Variants in RAPGEF5 observed in about 807,000 individuals in gnomAD.
RAPGEF5 encodes M-Ras-regulated GEF.
Under a neutral mutation model 125.2 loss-of-function variants are expected in RAPGEF5, and 65 were observed. That is an observed-to-expected ratio of 0.52 (90% CI 0.43 to 0.64). The LOEUF is 0.64. Ranked by LOEUF, RAPGEF5 falls within the 30% of genes least tolerant of loss-of-function variation. RAPGEF5 has a pLI of 0.00. For missense variants in RAPGEF5, 958 were observed against 1,048.1 expected, an observed-to-expected ratio of 0.91 and a Z score of 1.19; for synonymous variants, 391 against 385.9, an observed-to-expected ratio of 1.01 and a Z score of -0.16.
intron 1 of RAPGEF5, among the ~76,000 whole-genome samples, chr7:22,338,660 G>A (rs1784069060): frequency 6.6e-6 from 1 of 152,194 alleles, no homozygotes; most frequent in South Asian, 2.1e-4. Flanking sequence ...CTGAGACCAT[G>A]TAACATGCTT....
intron 9 of RAPGEF5, among the ~76,000 whole-genome samples, chr7:22,205,097 A>G (rs1034691947): frequency 5.3e-5 from 8 of 152,208 alleles, no homozygotes; most frequent in Non-Finnish European, 1.2e-4. Flanking sequence ...CTGAATATTA[A>G]TGTGCACCTG....
intron 1 of RAPGEF5, among the ~76,000 whole-genome samples, chr7:22,343,430 A>G (rs1463438696): frequency 4.6e-5 from 7 of 152,212 alleles, no homozygotes; most frequent in African/African-American, 1.7e-4. Flanking sequence ...GTAACAACAG[A>G]AAATTTGAGA....
chr7:22,178,691 T>A (rs766616890), intron 11 of RAPGEF5, among the ~76,000 whole-genome samples: 6 of 152,222 alleles, frequency 3.9e-5, no homozygotes, highest in Non-Finnish European at 5.9e-5. Context: ...ACTATCTTCA[T>A]GGCACATGGA....
rs147243374 is a variant in RAPGEF5, at chr7:22,292,954, G to A, written c.681-1713C>T. 3.4e-3 allele frequency among the ~76,000 whole-genome samples: 525 copies of A among 152,328 alleles called. 2 individuals carry two copies. Among genetic ancestry groups the A allele is most frequent in the Non-Finnish European group, 6.1e-3 (412 of 68,020 alleles). ...CTTGTATACGAGACTGGTAACTAACGGTTGAGCTGCTGCTGTTTTAGTGAC... is the reference window on the plus strand; with the variant it reads ...CTTGTATACGAGACTGGTAACTAACAGTTGAGCTGCTGCTGTTTTAGTGAC... On this transcript the variant is annotated intron_variant, in intron 5 of 25. Transcript: ENST00000665637.
chr7:22,118,266 C>T lies in RAPGEF5; in HGVS notation c.*4140G>A, dbSNP rs1465714925. 6.6e-6 allele frequency: 1 copy of T among 152,286 alleles called. No homozygotes were observed. Among genetic ancestry groups the T allele is most frequent in the East Asian group, 1.9e-4 (1 of 5,182 alleles). 9.4% of individuals were successfully genotyped at this position (152,286 alleles called of 1,614,324 possible). ...CCAGAACAGAGCTATTTAATCCACA[C>T]ACATCACAGAGAAAGCAAGAAACTA... On this transcript the variant is annotated 3_prime_UTR_variant, in exon 26 of 26. Transcript: ENST00000665637.
intron 9 of RAPGEF5, among the ~76,000 whole-genome samples, chr7:22,199,606 G>T (rs1785231972): frequency 6.8e-6 from 1 of 148,038 alleles, no homozygotes; most frequent in South Asian, 2.1e-4. Context: ...TTGGCCAGGG[G>T]ACACATGAAT....
intron 7 of RAPGEF5, among the ~76,000 whole-genome samples, chr7:22,261,688 A>G (rs1299442259): frequency 1.3e-5 from 2 of 152,226 alleles, no homozygotes; most frequent in Non-Finnish European, 2.9e-5. Flanking sequence ...ACAGTAATCA[A>G]TATTGTAGTA....
intron 9 of RAPGEF5, among the ~76,000 whole-genome samples, chr7:22,218,707 G>A (rs1785701725): frequency 6.6e-6 from 1 of 152,178 alleles, no homozygotes; most frequent in Non-Finnish European, 1.5e-5. Context: ...TCAAACTTCA[G>A]GGTGCTTTTA....
chr7:22,242,957 A>AG (rs1786376344), intron 7 of RAPGEF5, among the ~76,000 whole-genome samples: 1 of 151,570 alleles, frequency 6.6e-6, no homozygotes, highest in East Asian at 1.9e-4. Context: ...CAAAAAAAAA[A>AG]AAAAAAAAGA....
chr7:22,136,079 A>G lies in RAPGEF5; in HGVS notation c.2375T>C (p.Met792Thr), dbSNP rs1318905067. ...HKAYRDAFKK[M>T]KPPKIPFMPL... ...CATGAAAGGGATTTTTGGTGGCTTC[A>G]TCTTTTTGAATGCATCTCTGTAGGC... Residue 792 changes from methionine to threonine, a missense_variant, in exon 23 of 26, where the codon ATG becomes ACG. By Grantham distance (81) the Met-to-Thr change is moderately conservative. Coordinates refer to ENST00000665637, the MANE Select transcript of RAPGEF5 (RefSeq NM_012294.5). 6.2e-7 allele frequency: 1 copy of G among 1,612,912 alleles called. No homozygotes were observed. The highest frequency in any genetic ancestry group is 1.3e-5 in the African/African-American group (1 of 75,014).
At chr7:22,262,340 C>T (rs1012126373) in intron 7 of RAPGEF5, among the ~76,000 whole-genome samples, 7 of 151,894 alleles carry the variant, frequency 4.6e-5, no homozygotes, top group Non-Finnish European at 8.8e-5. Flanking sequence ...ATCAGGGAAA[C>T]GCAAATAAAA....
At chr7:22,264,406 C>G (rs1286342082) in intron 7 of RAPGEF5, among the ~76,000 whole-genome samples, 2 of 152,196 alleles carry the variant, frequency 1.3e-5, no homozygotes, top group African/African-American at 4.8e-5. Flanking sequence ...GTAAGGAAAA[C>G]AGACATGCTA....
chr7:22,166,493 T>C (rs770591853), intron 12 of RAPGEF5, among the ~76,000 whole-genome samples: 3 of 152,216 alleles, frequency 2.0e-5, no homozygotes, highest in Non-Finnish European at 2.9e-5. Context: ...AATAAAATTA[T>C]AAGGCTTCCT....
intron 7 of RAPGEF5, among the ~76,000 whole-genome samples, chr7:22,248,899 C>T (rs1181253297): frequency 3.3e-5 from 5 of 152,132 alleles, no homozygotes; most frequent in African/African-American, 9.7e-5. Context: ...GGAAGAAAAT[C>T]GGCAACATTT....
At chr7:22,343,837 A>C (rs1355477933) in intron 1 of RAPGEF5, among the ~76,000 whole-genome samples, 2 of 152,170 alleles carry the variant, frequency 1.3e-5, no homozygotes, top group Non-Finnish European at 2.9e-5. Context: ...ATTTAGCAAG[A>C]TCAAAGTCCC....
chr7:22,237,280 G>A (rs746030580), intron 7 of RAPGEF5, among the ~76,000 whole-genome samples: 2 of 151,498 alleles, frequency 1.3e-5, no homozygotes, highest in East Asian at 3.9e-4. Flanking sequence ...TGAGTTCTTC[G>A]AGAGGACAGA....
At chr7:22,151,031 CAT>C (rs1460355304) in intron 17 of RAPGEF5, among the ~76,000 whole-genome samples, 1 of 152,154 alleles carries the variant, frequency 6.6e-6, no homozygotes, top group Non-Finnish European at 1.5e-5. Context: ...AAATTATTTA[CAT>C]ATGTCATGTT....
intron 11 of RAPGEF5, among the ~76,000 whole-genome samples, chr7:22,180,031 T>C (rs1016091545): frequency 2.0e-5 from 3 of 152,208 alleles, no homozygotes; most frequent in Non-Finnish European, 4.4e-5. Flanking sequence ...CTTTACTCTA[T>C]GGGTTCGCCT....
intron 7 of RAPGEF5, among the ~76,000 whole-genome samples, chr7:22,253,761 G>A (rs1786681192): frequency 6.6e-6 from 1 of 152,140 alleles, no homozygotes; most frequent in Non-Finnish European, 1.5e-5. Flanking sequence ...AAGCAAGTCA[G>A]CCTGTCTTTG....
Sources: gnomAD v4.1 joint callset for allele counts (sites outside exome capture counted in the v4.1 genomes callset) on GRCh38, gnomAD v4.1.1 for gene constraint, MANE v1.5 for transcripts, NCBI Gene and HGNC (gene_info 2026-07-23, HGNC 2026-07-21) for gene names.